The following SCNN1B variants were observed in gnomAD, a reference collection of about 807,000 sequenced individuals.
The protein encoded by SCNN1B is epithelial sodium channel subunit beta.
A neutral mutation model predicts 65.3 loss-of-function variants in SCNN1B; 46 were observed. That is an observed-to-expected ratio of 0.70 (90% CI 0.56 to 0.90). The LOEUF (loss-of-function observed/expected upper bound fraction) is 0.90. SCNN1B is among the 40% of genes least tolerant of loss of function. The pLI, the probability that SCNN1B is intolerant of heterozygous loss-of-function variation, is 0.00. For missense variants in SCNN1B, 751 were observed against 830.5 expected (o/e 0.90, Z 1.18); for synonymous variants, 349 against 330.6 (o/e 1.06, Z -0.60).
intron 8 of SCNN1B, among the ~76,000 whole-genome samples, chr16:23,376,872 A>G (rs529843520): frequency 3.2e-4 from 49 of 152,222 alleles, no homozygotes; most frequent in African/African-American, 1.1e-3. Context: ...TATTCCTTCC[A>G]GTCACCCACC....
chr16:23,355,191 G>C (rs1056049517), intron 3 of SCNN1B, 108 bp from the exon 4 acceptor site: 2 of 1,094,368 alleles, frequency 1.8e-6, no homozygotes, highest in African/African-American at 3.1e-5. Context: ...CAGCCAGAAA[G>C]GTGGCTGGCA....
At chr16:23,349,052 C>A in intron 2 of SCNN1B, 142 bp downstream of exon 2, 1 of 702,516 alleles carries the variant, frequency 1.4e-6, no homozygotes, top group Non-Finnish European at 2.5e-6. Flanking sequence ...TTCTTCCTTC[C>A]TTTCTCCCTT....
chr16:23,293,249 G>A (rs767066617), intron 2 of SCNN1B, among the ~76,000 whole-genome samples: 19 of 149,982 alleles, frequency 1.3e-4, no homozygotes, highest in Non-Finnish European at 2.5e-4. Flanking sequence ...TCGCCAAAAA[G>A]TGGAAACAAA....
At chr16:23,360,549 T>C (rs1962526809) in intron 4 of SCNN1B, among the ~76,000 whole-genome samples, 2 of 147,548 alleles carry the variant, frequency 1.4e-5, no homozygotes, top group Admixed American at 1.4e-4. Context: ...AGAGTGAGAG[T>C]AAAATATAGA....
intron 1 of SCNN1B, among the ~76,000 whole-genome samples, chr16:23,328,079 T>C (rs1171547956): frequency 6.6e-6 from 1 of 152,190 alleles, no homozygotes; most frequent in African/African-American, 2.4e-5. Flanking sequence ...GGGCCAGTTG[T>C]CTTTAAGTCA....
chr16:23,351,664 T>C (rs1404198682), intron 2 of SCNN1B, among the ~76,000 whole-genome samples: 1 of 152,224 alleles, frequency 6.6e-6, no homozygotes, highest in Non-Finnish European at 1.5e-5. Flanking sequence ...TACCCCACTT[T>C]GAGGCAGGGT....
intron 1 of SCNN1B, among the ~76,000 whole-genome samples, chr16:23,317,223 T>C (rs1317608244): frequency 6.6e-6 from 1 of 152,122 alleles, no homozygotes; most frequent in Non-Finnish European, 1.5e-5. Flanking sequence ...CACAGGGCTG[T>C]GGTAAGAGGC....
intron 7 of SCNN1B, among the ~76,000 whole-genome samples, chr16:23,375,409 T>G (rs1237462044): frequency 6.6e-6 from 1 of 151,982 alleles, no homozygotes; most frequent in Non-Finnish European, 1.5e-5. Flanking sequence ...CTCTGAGCAT[T>G]GGCTTTATTA....
intron 4 of SCNN1B, among the ~76,000 whole-genome samples, chr16:23,357,614 T>A (rs566365198): frequency 6.6e-6 from 1 of 152,222 alleles, no homozygotes; most frequent in South Asian, 2.1e-4. Flanking sequence ...CAGGCACACA[T>A]GGGCAGGGTT....
At chr16:23,324,062 C>A (rs755572983) in intron 1 of SCNN1B, among the ~76,000 whole-genome samples, 18 of 152,098 alleles carry the variant, frequency 1.2e-4, no homozygotes, top group Non-Finnish European at 2.2e-4. Flanking sequence ...CTATTGCTGG[C>A]CTCATTTGCA....
At chr16:23,305,111 T>G (rs920276333) in intron 1 of SCNN1B, among the ~76,000 whole-genome samples, 3 of 151,980 alleles carry the variant, frequency 2.0e-5, no homozygotes, top group Non-Finnish European at 4.4e-5. Context: ...TTTCCGCTTG[T>G]TGAGAGCCAA....
chr16:23,336,930 G>A (rs8055868), intron 1 of SCNN1B, among the ~76,000 whole-genome samples: 11,497 of 152,176 alleles, frequency 0.076, 583 homozygotes, highest in East Asian at 0.24. Flanking sequence ...AATTGCAAAA[G>A]TGGTATACAA....
chr16:23,371,652 G>T, intron 6 of SCNN1B, 124 bp from the exon 7 acceptor site: 1 of 1,018,684 alleles, frequency 9.8e-7, no homozygotes. Context: ...GCCCCCTCTG[G>T]CGCCCCCCCT....
At chr16:23,366,257 T>C (rs1312702960) in intron 4 of SCNN1B, among the ~76,000 whole-genome samples, 1 of 152,084 alleles carries the variant, frequency 6.6e-6, no homozygotes, top group African/African-American at 2.4e-5. Flanking sequence ...CAGGCAGGAG[T>C]ACAGTGGTGC....
chr16:23,353,643 G>A (rs764131864), intron 3 of SCNN1B, among the ~76,000 whole-genome samples: 1 of 152,250 alleles, frequency 6.6e-6, no homozygotes, highest in Non-Finnish European at 1.5e-5. Context: ...AGTTGGGAGT[G>A]ATGTCAGCCT....
rs531002994 is a variant in SCNN1B at position 23,319,958 on chromosome 16, G to A, written c.-9+17521G>A. Reference sequence around the variant, plus strand: ...AATTTTTGTATTTTTTTGTAGTGACGGGTGTCTCAAATTCCTGGGCTCAAG... The same window carrying A: ...AATTTTTGTATTTTTTTGTAGTGACAGGTGTCTCAAATTCCTGGGCTCAAG... On this transcript the variant is annotated intron_variant, in intron 1 of 12. Coordinates refer to ENST00000343070, the MANE Select transcript of SCNN1B (RefSeq NM_000336.3). Among the ~76,000 whole-genome samples the A allele has an allele frequency of 2.2e-4, 33 of 152,108 alleles. No homozygotes were observed. In the South Asian group the frequency reaches 6.0e-3, roughly 28 times the overall value.
chr16:23,278,796 C>T (rs1960742036), intron 1 of SCNN1B, among the ~76,000 whole-genome samples: 1 of 151,876 alleles, frequency 6.6e-6, no homozygotes, highest in Admixed American at 6.6e-5. Flanking sequence ...AAAAATTAGC[C>T]CAGCTTGATT....
intron 4 of SCNN1B, among the ~76,000 whole-genome samples, chr16:23,359,903 T>G (rs1255548171): frequency 1.3e-5 from 2 of 152,194 alleles, no homozygotes; most frequent in African/African-American, 4.8e-5. Flanking sequence ...TAGGAGCATT[T>G]TTTTAAAAAG....
chr16:23,354,956 G>A (rs1330206399), intron 3 of SCNN1B, among the ~76,000 whole-genome samples: 1 of 152,150 alleles, frequency 6.6e-6, no homozygotes, highest in East Asian at 1.9e-4. Flanking sequence ...TCCCTTGAAC[G>A]AGGGGACCAG....
Sources: allele counts gnomAD v4.1 joint callset (sites outside exome capture counted in the v4.1 genomes callset), GRCh38; gene constraint gnomAD v4.1.1; transcripts MANE v1.5; gene names NCBI Gene and HGNC (gene_info 2026-07-23, HGNC 2026-07-21).